The following FGF7 variants were observed in gnomAD, a reference collection of about 807,000 sequenced individuals.
The protein encoded by FGF7 is fibroblast growth factor 7.
FGF7 carries 6 observed loss-of-function variants against 20.5 expected under a neutral mutation model. That is an observed-to-expected ratio of 0.29 (90% CI 0.16 to 0.58). FGF7 has a LOEUF of 0.58. FGF7 is among the 20% of genes least tolerant of loss of function. FGF7 has a pLI of 0.90. For synonymous variants in FGF7, 64 were observed against 74.7 expected, an observed-to-expected ratio of 0.86 and a Z score of 0.74; for missense variants, 144 against 228.8, an observed-to-expected ratio of 0.63 and a Z score of 2.39.
At chr15:49,429,077 T>C (rs1014516540) in intron 2 of FGF7, among the ~76,000 whole-genome samples, 12 of 152,076 alleles carry the variant, frequency 7.9e-5, no homozygotes. Flanking sequence ...AATTTGCTTA[T>C]ATTCTAAACA....
chr15:49,464,063 C>G (rs1328680608), intron 2 of FGF7, among the ~76,000 whole-genome samples: 5 of 152,036 alleles, frequency 3.3e-5, no homozygotes, highest in African/African-American at 1.2e-4. Context: ...CCCCAAACAC[C>G]TGCTGTATGG....
chr15:49,433,322 C>T (rs928919776), intron 2 of FGF7, among the ~76,000 whole-genome samples: 3 of 151,370 alleles, frequency 2.0e-5, no homozygotes, highest in Admixed American at 1.3e-4. Context: ...AAATAAGTAC[C>T]ATATCTTACT....
chr15:49,471,405 C>T (rs2054737808), intron 2 of FGF7, among the ~76,000 whole-genome samples: 1 of 151,372 alleles, frequency 6.6e-6, no homozygotes, highest in East Asian at 1.9e-4. Flanking sequence ...ATTGCTTGAA[C>T]CTGAGAGGCG....
rs955716371 is a variant in FGF7, at chr15:49,484,421, A to C, written c.502A>C (p.Asn168His). 1 of 1,593,448 alleles carries C rather than the reference A, an allele frequency of 6.3e-7. No individual in the cohort carries two copies. The highest frequency in any genetic ancestry group is 1.7e-5 in the Admixed American group (1 of 59,494). ...CGGAGGGGAAATGTTTGTTGCCTTAAATCAAAAGGGGATTCCTGTAAGAGG... is the reference window on the plus strand; with the variant it reads ...CGGAGGGGAAATGTTTGTTGCCTTACATCAAAAGGGGATTCCTGTAAGAGG... ...HNGGEMFVAL[N>H]QKGIPVRGKK... Residue 168 changes from asparagine (N) to histidine (H), a missense_variant, in exon 4 of 4, where the codon AAT becomes CAT. Physicochemically the swap from Asn to His is moderately conservative, Grantham distance 68. Transcript: ENST00000267843.
chr15:49,461,901 G>A (rs1323713080), intron 2 of FGF7, among the ~76,000 whole-genome samples: 1 of 152,202 alleles, frequency 6.6e-6, no homozygotes, highest in Non-Finnish European at 1.5e-5. Flanking sequence ...TTGCCCAGGG[G>A]CAGTGGCTCT....
chr15:49,454,537 T>C (rs1034283987), intron 2 of FGF7, among the ~76,000 whole-genome samples: 4 of 152,218 alleles, frequency 2.6e-5, no homozygotes, highest in African/African-American at 7.2e-5. Context: ...ACTTAACTTA[T>C]CTGTACTTTA....
chr15:49,485,287 T>G lies in FGF7; in HGVS notation c.*783T>G, dbSNP rs1467601340. Reference sequence around the variant, plus strand: ...ATTTTATAAATCCTCAAAGTAAAATTGAGAAATCTTTAAGTTTTTTTCAAG... The same window carrying G: ...ATTTTATAAATCCTCAAAGTAAAATGGAGAAATCTTTAAGTTTTTTTCAAG... On this transcript the variant is annotated 3_prime_UTR_variant, in exon 4 of 4. Coordinates refer to ENST00000267843, the MANE Select transcript of FGF7 (RefSeq NM_002009.4). 6.6e-6 allele frequency: 1 copy of G among 152,374 alleles called. No homozygotes were observed. The highest frequency in any genetic ancestry group is 2.4e-5 in the African/African-American group (1 of 41,396). The allele number at this position is 152,374 out of a possible 1,614,324, so 9.4% of individuals were successfully genotyped here.
At chr15:49,431,022 C>T (rs967587843) in intron 2 of FGF7, among the ~76,000 whole-genome samples, 2 of 151,746 alleles carry the variant, frequency 1.3e-5, no homozygotes, top group Non-Finnish European at 2.9e-5. Context: ...CTTTGTATCA[C>T]ACAATTTTTG....
At chr15:49,450,720 G>A (rs763407305) in intron 2 of FGF7, among the ~76,000 whole-genome samples, 1 of 151,956 alleles carries the variant, frequency 6.6e-6, no homozygotes, top group Admixed American at 6.6e-5. Flanking sequence ...TTACATTCTT[G>A]ATCTTTAAAT....
intron 2 of FGF7, among the ~76,000 whole-genome samples, chr15:49,464,617 GAAT>G (rs2054102062): frequency 6.6e-6 from 1 of 152,166 alleles, no homozygotes; most frequent in Non-Finnish European, 1.5e-5. Flanking sequence ...AAAAGTCACT[GAAT>G]AATGATTTTC....
intron 3 of FGF7, among the ~76,000 whole-genome samples, 161 bp from the exon 4 acceptor site, chr15:49,484,149 A>C (rs1455490795): frequency 6.6e-6 from 1 of 152,064 alleles, no homozygotes; most frequent in East Asian, 1.9e-4. Flanking sequence ...AATATACTAC[A>C]TAAGTATAGC....
At chr15:49,475,741 C>A (rs2055203546) in intron 2 of FGF7, among the ~76,000 whole-genome samples, 1 of 151,978 alleles carries the variant, frequency 6.6e-6, no homozygotes, top group Non-Finnish European at 1.5e-5. Flanking sequence ...TAATCCCAAC[C>A]CTTTGGGAGG....
intron 2 of FGF7, among the ~76,000 whole-genome samples, chr15:49,445,304 T>C (rs1256679116): frequency 1.3e-5 from 2 of 151,654 alleles, no homozygotes; most frequent in African/African-American, 4.8e-5. Flanking sequence ...CCAGTTTGTA[T>C]TGTTGCCATT....
chr15:49,439,778 C>T (rs374430409), intron 2 of FGF7, among the ~76,000 whole-genome samples: 2 of 151,644 alleles, frequency 1.3e-5, no homozygotes, highest in Admixed American at 1.3e-4. Context: ...CACTTCGTAG[C>T]ATTGAGAAAG....
chr15:49,449,974 A>G (rs1209758649), intron 2 of FGF7, among the ~76,000 whole-genome samples: 1 of 152,136 alleles, frequency 6.6e-6, no homozygotes, highest in African/African-American at 2.4e-5. Context: ...GTCATGCTCA[A>G]TCACAAACTA....
At chr15:49,479,094 G>A (rs904892627) in intron 2 of FGF7, among the ~76,000 whole-genome samples, 7 of 152,078 alleles carry the variant, frequency 4.6e-5, no homozygotes, top group African/African-American at 1.7e-4. Context: ...TAAAAAATAG[G>A]GAAGCTATTT....
At chr15:49,425,684 A>G (rs1453256924) in intron 2 of FGF7, among the ~76,000 whole-genome samples, 4 of 151,958 alleles carry the variant, frequency 2.6e-5, no homozygotes, top group African/African-American at 7.2e-5. Flanking sequence ...GAACTAATCA[A>G]CCAATCAATG....
At chr15:49,457,043 G>C (rs1450355710) in intron 2 of FGF7, among the ~76,000 whole-genome samples, 1 of 152,028 alleles carries the variant, frequency 6.6e-6, no homozygotes, top group Non-Finnish European at 1.5e-5. Context: ...ATGTCTCAAA[G>C]CCAGTATCAT....
chr15:49,459,309 G>T (rs932369962), intron 2 of FGF7, among the ~76,000 whole-genome samples: 2 of 152,136 alleles, frequency 1.3e-5, no homozygotes, highest in African/African-American at 2.4e-5. Flanking sequence ...CTTTCTAGGG[G>T]AGCAGCACAC....
Sources: gnomAD v4.1 joint callset for allele counts (sites outside exome capture counted in the v4.1 genomes callset) on GRCh38, gnomAD v4.1.1 for gene constraint, MANE v1.5 for transcripts, NCBI Gene and HGNC (gene_info 2026-07-23, HGNC 2026-07-21) for gene names.